The following TLE5 variants were observed in gnomAD, a reference collection of about 807,000 sequenced individuals.
TLE5 encodes TLE family member 5.
Under a neutral mutation model 25.8 loss-of-function variants are expected in TLE5, and 7 were observed. The observed-to-expected ratio is 0.27, with a 90% CI of 0.15 to 0.51. TLE5 has a LOEUF of 0.51. TLE5 is among the 20% of genes least tolerant of loss of function. The pLI, the probability that TLE5 is intolerant of heterozygous loss-of-function variation, is 0.97. For synonymous variants in TLE5, 132 were observed against 110.5 expected, an observed-to-expected ratio of 1.20 and a Z score of -1.22; for missense variants, 149 against 250.7, an observed-to-expected ratio of 0.59 and a Z score of 2.74.
upstream of TLE5, chr19:3,062,807 G>C (rs1014815353): frequency 4.5e-6 from 7 of 1,550,272 alleles, no homozygotes; most frequent in Non-Finnish European, 6.1e-6. Context: ...CGCGTGCCAC[G>C]GACGTGCTCT....
intron 1 of TLE5, 83 bp downstream of exon 1, chr19:3,062,091 G>T (rs2090276182): frequency 2.5e-5 from 19 of 747,276 alleles, no homozygotes; most frequent in Non-Finnish European, 3.1e-5. Context: ...TGGGGGTTGG[G>T]GGGCGCGGGG....
chr19:3,056,664 G>A (rs963791722), intron 3 of TLE5: 34 of 578,366 alleles, frequency 5.9e-5, no homozygotes, highest in East Asian at 3.6e-4. Flanking sequence ...GCGAGAACAC[G>A]CATTCCAGGG....
At chr19:3,061,391 C>T in intron 1 of TLE5, 134 bp from the exon 2 acceptor site, 1 of 566,768 alleles carries the variant, frequency 1.8e-6, no homozygotes, top group Non-Finnish European at 3.0e-6. Flanking sequence ...GTTTACGGCC[C>T]CTGGCGCGAC....
rs922921769 is a variant in TLE5 at position 3,056,106 on chromosome 19, C to T, written c.234+206G>A. The T allele has an allele frequency of 3.0e-5, 16 of 530,678 alleles. 1 individual carries two copies. The African/African-American group carries it at 3.2e-4, about 11-fold the overall frequency. 32.9% of individuals were successfully genotyped at this position (530,678 alleles called of 1,614,324 possible). A position where few individuals can be genotyped will look rare whatever the true frequency, so the allele number is the denominator to read the frequency against. ...CTCCCCACCACCGGGAGAAACACTC[C>T]CAGGGAGGCCTGAAAAAGAGGCGGG... On this transcript the variant is annotated intron_variant, in intron 4 of 6. Transcript: ENST00000327141.
chr19:3,053,345 G>A lies in TLE5; in HGVS notation c.*474C>T. Reference sequence around the variant, plus strand: ...GTGGTGAGTGGGGCAGGTGGAGGTGGGAGCATACCTGGGACCCGGGGTCGG... The same window carrying A: ...GTGGTGAGTGGGGCAGGTGGAGGTGAGAGCATACCTGGGACCCGGGGTCGG... On this transcript the variant is annotated 3_prime_UTR_variant, in exon 7 of 7. Coordinates refer to ENST00000327141, the MANE Select transcript of TLE5 (RefSeq NM_001130.6). 6.0e-6 allele frequency: 1 copy of A among 165,778 alleles called. No homozygotes were observed. Among genetic ancestry groups the A allele is most frequent in the Admixed American group, 5.7e-5 (1 of 17,500 alleles). The allele number at this position is 165,778 out of a possible 1,614,324, so 10.3% of individuals were successfully genotyped here. A position where few individuals can be genotyped will look rare whatever the true frequency, so the allele number is the denominator to read the frequency against.
At chr19:3,059,200 G>A (rs1053448698) in intron 2 of TLE5, among the ~76,000 whole-genome samples, 2 of 152,028 alleles carry the variant, frequency 1.3e-5, no homozygotes, top group Non-Finnish European at 1.5e-5. Flanking sequence ...TGCATTTGTT[G>A]CTACCATTAA....
chr19:3,061,279 G>A (rs201009613), intron 1 of TLE5, 22 bp from the exon 2 acceptor site: 6 of 1,594,260 alleles, frequency 3.8e-6, no homozygotes, highest in Middle Eastern at 1.9e-4. Flanking sequence ...GGGCGGCCCG[G>A]GTCAGGCCCA....
At chr19:3,062,709 G>C (rs1261531172), upstream of TLE5, 1 of 1,512,600 alleles carries the variant, frequency 6.6e-7, no homozygotes, top group Non-Finnish European at 8.8e-7. Flanking sequence ...CCCGGCAGCC[G>C]GCCGGGCCTC....
chr19:3,062,784 G>C (rs2145270251), upstream of TLE5: 2 of 1,549,672 alleles, frequency 1.3e-6, no homozygotes, highest in South Asian at 2.4e-5. Context: ...GCCCTGCTGT[G>C]GCACGACCTG....
rs1160928492 is a variant in TLE5, at chr19:3,053,905, C to T, written c.508G>A (p.Gly170Ser). ...GTGLLSLSAL[G>S]SQAHLSKEDK... ...TCCTTGGAGAGGTGGGCCTGGGAACCCAGCGCGGACAGCGAGAGGAGGCCG... is the reference window on the plus strand; with the variant it reads ...TCCTTGGAGAGGTGGGCCTGGGAACTCAGCGCGGACAGCGAGAGGAGGCCG... Residue 170 changes from glycine to serine, a missense_variant, in exon 7 of 7, where the codon GGT becomes AGT. Gly to Ser is a moderately conservative substitution (Grantham distance 56, BLOSUM62 0). Transcript: ENST00000327141. 6.2e-7 allele frequency: 1 copy of T among 1,613,060 alleles called. No individual in the cohort carries two copies. Among genetic ancestry groups the T allele is most frequent in the Admixed American group, 1.7e-5 (1 of 60,004 alleles).
At chr19:3,062,664 C>T, upstream of TLE5, 1 of 1,367,306 alleles carries the variant, frequency 7.3e-7, no homozygotes, top group Non-Finnish European at 9.4e-7. Flanking sequence ...CGGCCCGCCC[C>T]CGCCCCGGGC....
intron 3 of TLE5, among the ~76,000 whole-genome samples, chr19:3,057,079 G>A (rs946879861): frequency 6.6e-6 from 1 of 152,152 alleles, no homozygotes; most frequent in Non-Finnish European, 1.5e-5. Context: ...CCACAGTCTG[G>A]GAGATTTGGG....
rs1473942417 is a variant in TLE5, at chr19:3,053,972, C to T, written c.441G>A (p.Val147=). Reference sequence around the variant, plus strand: ...CCGGCAGCGAAGGCGGCTGCAGCCCCACGGGTAGTGGGGTCAAGGGCAGGG... The same window carrying T: ...CCGGCAGCGAAGGCGGCTGCAGCCCTACGGGTAGTGGGGTCAAGGGCAGGG... ...ALALPLTPLP[V]GLQPPSLPAV... Residue 147 remains valine (V), a synonymous_variant, in exon 7 of 7, where the codon GTG becomes GTA. Coordinates refer to ENST00000327141, the MANE Select transcript of TLE5 (RefSeq NM_001130.6). 1 of 1,610,472 alleles carries T rather than the reference C, an allele frequency of 6.2e-7. No individual in the cohort carries two copies. Among genetic ancestry groups the T allele is most frequent in the African/African-American group, 1.3e-5 (1 of 74,886 alleles).
upstream of TLE5, chr19:3,062,547 G>C (rs2090281364): frequency 4.1e-6 from 3 of 728,324 alleles, no homozygotes; most frequent in Non-Finnish European, 5.0e-6. Context: ...CGCCGCCCGT[G>C]CCCCGTGCGC....
chr19:3,055,400 T>C (rs1599268586), intron 5 of TLE5: 1 of 340,078 alleles, frequency 2.9e-6, no homozygotes, highest in Non-Finnish European at 5.3e-6. Flanking sequence ...CCATCTGACA[T>C]TTCTACCTAT....
At chr19:3,057,536 G>T in intron 3 of TLE5, 143 bp downstream of exon 3, 1 of 782,424 alleles carries the variant, frequency 1.3e-6, no homozygotes, top group Non-Finnish European at 2.1e-6. Flanking sequence ...AGCAGGGGCC[G>T]GCTGAATGGA....
In TLE5 at chr19:3,053,523, T is replaced by A. The variant is rs534327542; in HGVS notation, c.*296A>T. Reference sequence around the variant, plus strand: ...GCTGCTGCGCTTCGCGAGGTCTTGCTCCCTTGGGACCTGGTCTCCCATCTG... The same window carrying A: ...GCTGCTGCGCTTCGCGAGGTCTTGCACCCTTGGGACCTGGTCTCCCATCTG... On this transcript the variant is annotated 3_prime_UTR_variant, in exon 7 of 7. Transcript: ENST00000327141. The A allele has an allele frequency of 2.4e-5, 12 of 495,216 alleles. No homozygotes were observed. The East Asian group carries it at 3.8e-4, about 16-fold the overall frequency. The allele number at this position is 495,216 out of a possible 1,614,324, so 30.7% of individuals were successfully genotyped here.
chr19:3,054,247 G>A (rs2090199659), intron 5 of TLE5, 53 bp from the exon 6 acceptor site: 2 of 1,563,064 alleles, frequency 1.3e-6, no homozygotes, highest in East Asian at 2.3e-5. Context: ...GATCCTGGGA[G>A]AGGAGAGGGG....
intron 3 of TLE5, 173 bp from the exon 4 acceptor site, chr19:3,056,529 C>A: frequency 1.6e-6 from 1 of 611,472 alleles, no homozygotes; most frequent in Non-Finnish European, 3.0e-6. Flanking sequence ...GAGGGAGAGA[C>A]GCCCACACCC....
Sources: allele counts gnomAD v4.1 joint callset (sites outside exome capture counted in the v4.1 genomes callset), GRCh38; gene constraint gnomAD v4.1.1; transcripts MANE v1.5; gene names NCBI Gene and HGNC (gene_info 2026-07-23, HGNC 2026-07-21).